Variants in WDR27 observed in about 807,000 individuals in gnomAD.
WDR27 encodes the protein WD repeat domain 27.
Under a neutral mutation model 114.4 loss-of-function variants are expected in WDR27, and 100 were observed. The ratio of observed to expected loss-of-function variants is 0.87; its 90% CI spans 0.74 to 1.03. The LOEUF is 1.03. Among genes scored for constraint, WDR27 ranks in the 50% least tolerant of loss-of-function variants. The pLI, the probability that WDR27 is intolerant of heterozygous loss-of-function variation, is 0.00. For missense variants in WDR27, 1,129 were observed against 1,092.9 expected (o/e 1.03, Z -0.47); for synonymous variants, 449 against 423.1 (o/e 1.06, Z -0.75).
chr6:169,692,995 T>C (rs1784899964), intron 1 of WDR27, among the ~76,000 whole-genome samples: 1 of 152,170 alleles, frequency 6.6e-6, no homozygotes, highest in Admixed American at 6.5e-5. Flanking sequence ...CTCGAAGAAC[T>C]CCTGAGAAAT....
intron 25 of WDR27, among the ~76,000 whole-genome samples, chr6:169,495,392 A>G (rs981975429): frequency 6.6e-6 from 1 of 152,098 alleles, no homozygotes; most frequent in Non-Finnish European, 1.5e-5. Context: ...TAAGGAACTA[A>G]AAAACTAAAA....
chr6:169,429,336 G>T, the WDR27 span, among the ~76,000 whole-genome samples: 1 of 152,038 alleles, frequency 6.6e-6, no homozygotes, highest in Admixed American at 6.5e-5. Flanking sequence ...CCGTGCCAAG[G>T]AGCCCACCGG....
At chr6:169,582,571 T>G (rs1343490758) in intron 24 of WDR27, among the ~76,000 whole-genome samples, 1 of 152,130 alleles carries the variant, frequency 6.6e-6, no homozygotes, top group Non-Finnish European at 1.5e-5. Flanking sequence ...CCTGTTTCAT[T>G]CAATCAAACA....
chr6:169,666,483 A>AG (rs1371290118), intron 6 of WDR27: 5 of 985,364 alleles, frequency 5.1e-6, no homozygotes, highest in Non-Finnish European at 6.0e-6. Flanking sequence ...AACGTGCACA[A>AG]GGGGAGCAAA....
intron 25 of WDR27, among the ~76,000 whole-genome samples, chr6:169,568,863 T>C (rs1262415389): frequency 6.6e-6 from 1 of 152,206 alleles, no homozygotes; most frequent in Non-Finnish European, 1.5e-5. Flanking sequence ...TTCTTTCATT[T>C]CATGCCCCTC....
At chr6:169,543,318 C>T (rs1356078506) in intron 25 of WDR27, among the ~76,000 whole-genome samples, 1 of 152,012 alleles carries the variant, frequency 6.6e-6, no homozygotes, top group African/African-American at 2.4e-5. Flanking sequence ...AAAGTGAGTA[C>T]AAGGAACTAT....
intron 25 of WDR27, among the ~76,000 whole-genome samples, chr6:169,520,816 T>C (rs1043192261): frequency 1.3e-5 from 2 of 151,876 alleles, no homozygotes; most frequent in African/African-American, 4.8e-5. Flanking sequence ...CAAAGACAGG[T>C]TACCTGAAAT....
rs143203864 is a variant in WDR27, at chr6:169,525,619, G to C, written c.2645+46800C>G. 7.8e-3 allele frequency among the ~76,000 whole-genome samples: 1,186 copies of C among 151,750 alleles called. 11 individuals carry two copies. The highest frequency in any genetic ancestry group is 0.02 in the Admixed American group (301 of 15,230). On this transcript the variant is annotated intron_variant, in intron 25 of 25. Coordinates refer to ENST00000448612, the MANE Select transcript of WDR27 (RefSeq NM_182552.5). The stretch of plus-strand genomic sequence containing the variant: ...ATATGCGGGCAAGGATGTAGAAAAA[G>C]AGGAACCCTAATACACTGTTGTTAA...
chr6:169,647,882 C>A lies in WDR27; in HGVS notation c.1560-12G>T. On this transcript the variant is annotated splice_polypyrimidine_tract_variant and intron_variant, in intron 15 of 25. Coordinates refer to ENST00000448612, the MANE Select transcript of WDR27 (RefSeq NM_182552.5). Reference sequence around the variant, plus strand: ...CGGGGTATGCCTCCCTGAGGGAAGGCCACAGGTAACGGTGATCGGGAGACA... The same window carrying A: ...CGGGGTATGCCTCCCTGAGGGAAGGACACAGGTAACGGTGATCGGGAGACA... 6.5e-7 allele frequency: 1 copy of A among 1,535,496 alleles called. No individual in the cohort carries two copies. Among genetic ancestry groups the A allele is most frequent in the Non-Finnish European group, 8.8e-7 (1 of 1,140,922 alleles).
At chr6:169,532,309 T>C (rs1052564015) in intron 25 of WDR27, among the ~76,000 whole-genome samples, 8 of 152,024 alleles carry the variant, frequency 5.3e-5, no homozygotes, top group Non-Finnish European at 7.4e-5. Context: ...TTAATAGAAA[T>C]AGAAAATACT....
In WDR27 at chr6:169,553,022, GTGTGTA is replaced by G. The variant is rs1194695451; in HGVS notation, c.2645+19391_2645+19396del. Among the ~76,000 whole-genome samples, 270 of 112,904 alleles carry G rather than the reference GTGTGTA, an allele frequency of 2.4e-3. 6 individuals are homozygous for G. Among genetic ancestry groups the G allele is most frequent in the East Asian group, 6.4e-3 (25 of 3,886 alleles). The allele number at this position is 112,904 out of a possible 152,430, so 74.1% of individuals were successfully genotyped here. ...TGTGTGTGTGTGTGTGTGTGTGTGT[GTGTGTA>G]TGCAGGGAGGTGGGGAGGGCCTGGA... On this transcript the variant is annotated intron_variant, in intron 25 of 25. Coordinates refer to ENST00000448612, the MANE Select transcript of WDR27 (RefSeq NM_182552.5).
intron 14 of WDR27, among the ~76,000 whole-genome samples, chr6:169,651,178 C>G (rs532831873): frequency 2.9e-4 from 1 of 3,398 alleles, no homozygotes; most frequent in South Asian, 7.0e-3. Context: ...CACAGCAGTG[C>G]GGGGCGGGGG....
chr6:169,630,633 C>A (rs898323081), intron 21 of WDR27, among the ~76,000 whole-genome samples: 2 of 152,212 alleles, frequency 1.3e-5, no homozygotes, highest in Non-Finnish European at 2.9e-5. Flanking sequence ...CAGTGGCTCA[C>A]GCCTGTAATC....
chr6:169,512,619 TA>T (rs1452656618), intron 25 of WDR27, among the ~76,000 whole-genome samples: 1 of 152,144 alleles, frequency 6.6e-6, no homozygotes, highest in East Asian at 1.9e-4. Flanking sequence ...AAACCACACA[TA>T]AGCTAGATTT....
At chr6:169,608,970 T>C (rs1201320638) in intron 22 of WDR27, among the ~76,000 whole-genome samples, 3 of 152,210 alleles carry the variant, frequency 2.0e-5, no homozygotes, top group African/African-American at 4.8e-5. Context: ...ACAAAGGGGC[T>C]AGAGGCCCCA....
chr6:169,609,001 C>T (rs922968130), intron 22 of WDR27, among the ~76,000 whole-genome samples: 17 of 152,168 alleles, frequency 1.1e-4, no homozygotes, highest in Non-Finnish European at 2.1e-4. Flanking sequence ...AAATCCAGTG[C>T]GGCAGTCAAA....
At chr6:169,661,644 C>T (rs1197013673) in intron 9 of WDR27, among the ~76,000 whole-genome samples, 1 of 152,072 alleles carries the variant, frequency 6.6e-6, no homozygotes, top group Non-Finnish European at 1.5e-5. Flanking sequence ...CTCAAAATGC[C>T]TCAGGTCCAT....
intron 25 of WDR27, among the ~76,000 whole-genome samples, chr6:169,518,535 C>T (rs1216813088): frequency 1.3e-5 from 2 of 152,244 alleles, no homozygotes; most frequent in East Asian, 1.9e-4. Flanking sequence ...CTAGAATGGC[C>T]TAGATGCAGG....
intron 25 of WDR27, among the ~76,000 whole-genome samples, chr6:169,521,423 A>G (rs1291753848): frequency 6.6e-6 from 1 of 152,152 alleles, no homozygotes; most frequent in African/African-American, 2.4e-5. Context: ...AAAAAAATAA[A>G]AAACACTTAA....
Sources: gnomAD v4.1 joint callset for allele counts (sites outside exome capture counted in the v4.1 genomes callset) on GRCh38, gnomAD v4.1.1 for gene constraint, MANE v1.5 for transcripts, NCBI Gene and HGNC (gene_info 2026-07-23, HGNC 2026-07-21) for gene names.